KIAA1549: variants seen among roughly 807,000 people sequenced by gnomAD.
KIAA1549 encodes KIAA1549.
KIAA1549 carries 70 observed loss-of-function variants against 156.4 expected under a neutral mutation model. The observed-to-expected ratio is 0.45, with a 90% CI of 0.37 to 0.55. The LOEUF is 0.55. Ranked by LOEUF, KIAA1549 falls within the 20% of genes least tolerant of loss-of-function variation. The pLI, the probability that KIAA1549 is intolerant of heterozygous loss-of-function variation, is 0.00. For synonymous variants in KIAA1549, 1,103 were observed against 1,066.4 expected (o/e 1.03, Z -0.67); for missense variants, 2,428 against 2,540.9 (o/e 0.96, Z 0.96).
chr7:138,861,682 C>CG (rs1810587030), intron 15 of KIAA1549, among the ~76,000 whole-genome samples: 1 of 149,218 alleles, frequency 6.7e-6, no homozygotes, highest in African/African-American at 2.5e-5. Context: ...TGAGACCCCC[C>CG]CCATCTCTAA....
At chr7:138,906,196 G>A (rs1812001097) in intron 6 of KIAA1549, among the ~76,000 whole-genome samples, 1 of 152,206 alleles carries the variant, frequency 6.6e-6, no homozygotes, top group Non-Finnish European at 1.5e-5. Flanking sequence ...TGAAAAAAGT[G>A]GTCCAGGTGA....
Position 138,840,083 on chromosome 7 carries a change from C to T in KIAA1549, c.5598+50G>A, listed in dbSNP as rs189562973. On this transcript the variant is annotated intron_variant, in intron 19 of 19. Transcript: ENST00000422774. ...GGGATTACAGGTGTGAGCCACCGCACCTGGCCTATGTCTAAATTTTAAATG... is the reference window on the plus strand; with the variant it reads ...GGGATTACAGGTGTGAGCCACCGCATCTGGCCTATGTCTAAATTTTAAATG... 271 of 1,513,240 alleles carry T rather than the reference C, an allele frequency of 1.8e-4. 3 individuals are homozygous for T. The African/African-American group carries it at 3.4e-3, about 19-fold the overall frequency. The allele number at this position is 1,513,240 out of a possible 1,614,324, so 93.7% of individuals were successfully genotyped here. A position where few individuals can be genotyped will look rare whatever the true frequency, so the allele number is the denominator to read the frequency against.
chr7:138,873,061 G>C (rs1810983576), intron 12 of KIAA1549, among the ~76,000 whole-genome samples: 1 of 152,190 alleles, frequency 6.6e-6, no homozygotes, highest in East Asian at 1.9e-4. Context: ...AAACTTCAAA[G>C]CATAAGTGAA....
chr7:138,958,827 G>A (rs1254536284), intron 1 of KIAA1549, among the ~76,000 whole-genome samples: 5 of 152,038 alleles, frequency 3.3e-5, no homozygotes, highest in Admixed American at 6.6e-5. Context: ...GTCCAGGTAC[G>A]TACCAGTTAC....
At chr7:138,842,743 C>T (rs2130330590) in intron 18 of KIAA1549, among the ~76,000 whole-genome samples, 1 of 151,048 alleles carries the variant, frequency 6.6e-6, no homozygotes, top group South Asian at 2.1e-4. Flanking sequence ...GATTAAAAGA[C>T]ATAAAACAGA....
chr7:138,872,634 A>G (rs1330946557), intron 12 of KIAA1549, among the ~76,000 whole-genome samples: 1 of 152,212 alleles, frequency 6.6e-6, no homozygotes, highest in African/African-American at 2.4e-5. Flanking sequence ...GCCAGGCACA[A>G]TGGCTCATGC....
intron 1 of KIAA1549, among the ~76,000 whole-genome samples, chr7:138,922,352 G>C (rs139913892): frequency 4.5e-4 from 68 of 152,256 alleles, no homozygotes; most frequent in African/African-American, 1.6e-3. Context: ...TAGAGTTGCA[G>C]AGCACAGAAG....
intron 1 of KIAA1549, among the ~76,000 whole-genome samples, chr7:138,937,164 C>T (rs1169411739): frequency 1.3e-5 from 2 of 151,326 alleles, no homozygotes; most frequent in African/African-American, 2.5e-5. Flanking sequence ...AGCTATTCGA[C>T]GTGCTCTCTG....
chr7:138,981,175 G>A lies in KIAA1549; in HGVS notation c.95C>T (p.Pro32Leu), dbSNP rs1371254680. The change falls in exon 1 of 20, where the codon CCT becomes CTT. Residue 32 changes from proline (P) to leucine (L), a missense_variant. Physicochemically the swap from Pro to Leu is moderately conservative, Grantham distance 98. Transcript: ENST00000422774. The surrounding 1 kb of genome is among the most constrained non-coding windows in gnomAD (Gnocchi z 4.5). ...ALAPGPSGRRPSARCARRRRP... is the reference protein window; with the variant it reads ...ALAPGPSGRRLSARCARRRRP... Reference sequence around the variant, plus strand: ...GCGGCGGCGGGCGCAGCGGGCGGAAGGCCGTCGGCCGCTCGGCCCCGGGGC... The same window carrying A: ...GCGGCGGCGGGCGCAGCGGGCGGAAAGCCGTCGGCCGCTCGGCCCCGGGGC... The A allele has an allele frequency of 1.5e-5, 17 of 1,147,344 alleles. No homozygotes were observed. In the East Asian group the frequency reaches 5.7e-4, roughly 39 times the overall value. 71.1% of individuals were successfully genotyped at this position (1,147,344 alleles called of 1,614,324 possible).
intron 17 of KIAA1549, among the ~76,000 whole-genome samples, chr7:138,847,378 CTG>C (rs1394285873): frequency 6.6e-6 from 1 of 152,190 alleles, no homozygotes; most frequent in African/African-American, 2.4e-5. Flanking sequence ...GATCACAAAG[CTG>C]TGTGGTAGGG....
chr7:138,838,649 T>C (rs916781086), intron 19 of KIAA1549, among the ~76,000 whole-genome samples: 3 of 152,214 alleles, frequency 2.0e-5, no homozygotes, highest in African/African-American at 7.2e-5. Flanking sequence ...ACAAGAATTA[T>C]TACACTTTTC....
chr7:138,976,351 G>A lies in KIAA1549; in HGVS notation c.187+4732C>T, dbSNP rs576546927. Among the ~76,000 whole-genome samples, 11 of 152,270 alleles carry A rather than the reference G, an allele frequency of 7.2e-5. No individual in the cohort carries two copies. In the South Asian group the frequency reaches 8.3e-4, roughly 11 times the overall value. On this transcript the variant is annotated intron_variant, in intron 1 of 19. Coordinates refer to ENST00000422774, the MANE Select transcript of KIAA1549 (RefSeq NM_001164665.2). ...GTTGGGATTACAGGCGTGAGTCACC[G>A]CGCCCGGCCTCAACATAACGATTTT...
At chr7:138,959,597 G>C (rs629494) in intron 1 of KIAA1549, among the ~76,000 whole-genome samples, 44,573 of 152,074 alleles carry the variant, frequency 0.29, 7,741 homozygotes, top group African/African-American at 0.5. Context: ...AATTATTTCA[G>C]CATGAAATAT....
rs373630539 is a variant in KIAA1549 at position 138,861,144 on chromosome 7, A to C, written c.5242T>G (p.Cys1748Gly). Reference protein sequence around the residue: ...YSPAQTANNPCSRYEDYGMTP... With the variant: ...YSPAQTANNPGSRYEDYGMTP... ...TCTAGAAGGCCAGTACTTACACTGC[A>C]GGGATTGTTGGCCGTCTGGGCTGGG... is the stretch of plus-strand genomic sequence containing the variant. The change falls in exon 16 of 20, where the codon TGC becomes GGC. Residue 1748 changes from cysteine to glycine, a missense_variant. Cys to Gly is a radical substitution (Grantham distance 159, BLOSUM62 -3). Transcript: ENST00000422774. 84 of 1,613,742 alleles carry C rather than the reference A, an allele frequency of 5.2e-5. No homozygotes were observed. In the African/African-American group the frequency reaches 1.0e-3, roughly 19 times the overall value.
intron 9 of KIAA1549, among the ~76,000 whole-genome samples, chr7:138,895,162 A>C (rs1811649119): frequency 6.6e-6 from 1 of 152,246 alleles, no homozygotes; most frequent in Non-Finnish European, 1.5e-5. Flanking sequence ...TGAGGTGCTT[A>C]AGTCCTAGTG....
chr7:138,856,661 CG>C (rs919482625), intron 16 of KIAA1549, among the ~76,000 whole-genome samples: 8 of 152,212 alleles, frequency 5.3e-5, no homozygotes, highest in African/African-American at 9.6e-5. Context: ...CCATAACCAT[CG>C]GCTTCTTGCT....
At chr7:138,896,465 G>T (rs1341643478) in intron 9 of KIAA1549, among the ~76,000 whole-genome samples, 1 of 152,106 alleles carries the variant, frequency 6.6e-6, no homozygotes, top group African/African-American at 2.4e-5. Flanking sequence ...TTTTAATTTG[G>T]GCTGAATATA....
chr7:138,841,425 C>G (rs536860498), intron 18 of KIAA1549, among the ~76,000 whole-genome samples: 1 of 152,132 alleles, frequency 6.6e-6, no homozygotes, highest in Non-Finnish European at 1.5e-5. Flanking sequence ...GCTAATTACC[C>G]CCCTATACCC....
intron 1 of KIAA1549, among the ~76,000 whole-genome samples, chr7:138,971,520 C>T (rs1204094411): frequency 5.3e-5 from 8 of 152,140 alleles, no homozygotes; most frequent in Admixed American, 2.0e-4. Context: ...CTCACCTGCA[C>T]AGATGGCCTC....
Sources: gnomAD v4.1 joint callset for allele counts (sites outside exome capture counted in the v4.1 genomes callset) on GRCh38, gnomAD v4.1.1 for gene constraint, Gnocchi (gnomAD v3.1) non-coding constraint, MANE v1.5 for transcripts, NCBI Gene and HGNC (gene_info 2026-07-23, HGNC 2026-07-21) for gene names.